RALYL: variants seen among roughly 807,000 people sequenced by gnomAD.
RALYL encodes RNA-binding Raly-like protein.
Under a neutral mutation model 35.1 loss-of-function variants are expected in RALYL, and 29 were observed. The observed-to-expected ratio is 0.83, with a 90% CI of 0.61 to 1.13. The LOEUF is 1.13. RALYL is among the 50% of genes most tolerant of loss of function. The probability of loss-of-function intolerance (pLI) is 0.00; values close to 1 mark genes in which losing one functional copy is unlikely to be tolerated. For synonymous variants in RALYL, 120 were observed against 127.6 expected (o/e 0.94, Z 0.40); for missense variants, 359 against 360.4 (o/e 1.00, Z 0.03).
At chr8:84,811,581 T>G (rs1265239448) in intron 4 of RALYL, among the ~76,000 whole-genome samples, 1 of 152,162 alleles carries the variant, frequency 6.6e-6, no homozygotes, top group East Asian at 1.9e-4. Context: ...GCCAGGGAAG[T>G]TTTCCTCGAT....
chr8:84,516,267 A>G (rs1484460517), intron 1 of RALYL, among the ~76,000 whole-genome samples: 1 of 152,102 alleles, frequency 6.6e-6, no homozygotes, highest in Non-Finnish European at 1.5e-5. Context: ...AGTTTATAAT[A>G]TATTTCATCC....
At position 84,316,602 on chromosome 8, in the gene RALYL, G is replaced by T. The variant is rs573085797; in HGVS notation, c.-24+132178G>T. 3.1e-4 allele frequency among the ~76,000 whole-genome samples: 47 copies of T among 152,198 alleles called. No homozygotes were observed. The South Asian group carries it at 9.7e-3, about 32-fold the overall frequency. The stretch of plus-strand genomic sequence containing the variant: ...TTTGCTTAAACGTTGTTCATCTGTA[G>T]TTGTTTTCCTGGCAGATCTATTTCT... On this transcript the variant is annotated intron_variant, in intron 1 of 8. Transcript: ENST00000521268.
chr8:84,319,155 G>T (rs1239977034), intron 1 of RALYL, among the ~76,000 whole-genome samples: 1 of 152,092 alleles, frequency 6.6e-6, no homozygotes, highest in African/African-American at 2.4e-5. Context: ...GAATGAACTT[G>T]GTGGGTGTCT....
chr8:84,263,312 A>G (rs1295106781), intron 1 of RALYL, among the ~76,000 whole-genome samples: 6 of 152,202 alleles, frequency 3.9e-5, no homozygotes, highest in African/African-American at 1.4e-4. Flanking sequence ...TCATACTTGA[A>G]GTATTTTGAC....
intron 2 of RALYL, among the ~76,000 whole-genome samples, chr8:84,653,854 A>G (rs1829358873): frequency 1.3e-5 from 2 of 151,696 alleles, no homozygotes; most frequent in African/African-American, 2.4e-5. Flanking sequence ...TAACTTTTTT[A>G]TCTTAATATT....
intron 1 of RALYL, among the ~76,000 whole-genome samples, chr8:84,324,263 A>G (rs1305887689): frequency 1.3e-5 from 2 of 152,048 alleles, no homozygotes; most frequent in Admixed American, 6.6e-5. Flanking sequence ...AACTGTTTTG[A>G]TTCCACATAC....
intron 4 of RALYL, among the ~76,000 whole-genome samples, chr8:84,844,906 G>A (rs1335433277): frequency 6.6e-6 from 1 of 152,012 alleles, no homozygotes; most frequent in Admixed American, 6.6e-5. Context: ...CTCATAGGTG[G>A]GAATTGAACG....
intron 3 of RALYL, among the ~76,000 whole-genome samples, chr8:84,782,640 T>C (rs1818451521): frequency 6.6e-6 from 1 of 152,232 alleles, no homozygotes; most frequent in Non-Finnish European, 1.5e-5. Context: ...ACTCACATTA[T>C]GATCTTTTAT....
intron 4 of RALYL, among the ~76,000 whole-genome samples, chr8:84,813,787 AG>A (rs1826462161): frequency 6.6e-6 from 1 of 151,680 alleles, no homozygotes. Context: ...TTTAAGTTCT[AG>A]GGTACATGTG....
chr8:84,667,722 C>T (rs747272355), intron 2 of RALYL, among the ~76,000 whole-genome samples: 2 of 151,988 alleles, frequency 1.3e-5, no homozygotes, highest in Admixed American at 6.6e-5. Context: ...GACTTGACCC[C>T]GGTCATCATT....
At chr8:84,406,417 C>A (rs1288907694) in intron 1 of RALYL, among the ~76,000 whole-genome samples, 3 of 151,688 alleles carry the variant, frequency 2.0e-5, no homozygotes, top group African/African-American at 7.3e-5. Flanking sequence ...CAATATGAAG[C>A]CATATGGGAG....
rs140572028 is a variant in RALYL, at chr8:84,888,852, C to T, written c.858+1076C>T. Among the ~76,000 whole-genome samples the T allele has an allele frequency of 6.2e-3, 947 of 152,198 alleles. 9 individuals are homozygous for T. The highest frequency in any genetic ancestry group is 0.021 in the African/African-American group (889 of 41,532). ...GCAACCTCCGCCCCCCTGGTTCAAG[C>T]GATTCTCCTGCCTCAGCCTCCCGAG... On this transcript the variant is annotated intron_variant, in intron 8 of 8. Transcript: ENST00000521268.
chr8:84,822,326 A>G (rs1468107980), intron 4 of RALYL, among the ~76,000 whole-genome samples: 1 of 152,174 alleles, frequency 6.6e-6, no homozygotes, highest in East Asian at 1.9e-4. Context: ...CCAAGTCACA[A>G]ATTAAGGGAT....
rs536898365 is a variant in RALYL, at chr8:84,768,984, C to T, written c.257-5595C>T. On this transcript the variant is annotated intron_variant, in intron 2 of 8. Coordinates refer to ENST00000521268, the MANE Select transcript of RALYL (RefSeq NM_173848.7). Reference sequence around the variant, plus strand: ...ACTGACAGTATATTATTTTTAAGAACAAGATAAATGCTACAATATTTTGTC... The same window carrying T: ...ACTGACAGTATATTATTTTTAAGAATAAGATAAATGCTACAATATTTTGTC... 2.0e-5 allele frequency among the ~76,000 whole-genome samples: 3 copies of T among 152,234 alleles called. No homozygotes were observed. The South Asian group carries it at 6.2e-4, about 32-fold the overall frequency.
intron 1 of RALYL, among the ~76,000 whole-genome samples, chr8:84,365,635 G>C (rs73296884): frequency 0.02 from 3,091 of 152,276 alleles, 99 homozygotes; most frequent in African/African-American, 0.07. Flanking sequence ...GAGTTACTTA[G>C]AATGGAAGAA....
At chr8:84,723,009 T>C (rs906932909) in intron 2 of RALYL, among the ~76,000 whole-genome samples, 1 of 151,962 alleles carries the variant, frequency 6.6e-6, no homozygotes, top group African/African-American at 2.4e-5. Context: ...CACTGAAGTA[T>C]ATGAAGGTAG....
At chr8:84,811,760 C>A (rs901898768) in intron 4 of RALYL, among the ~76,000 whole-genome samples, 1 of 151,998 alleles carries the variant, frequency 6.6e-6, no homozygotes, top group Non-Finnish European at 1.5e-5. Context: ...ATTTGAAGGC[C>A]TTGTCTTTGA....
At chr8:84,698,278 T>C (rs1360388241) in intron 2 of RALYL, among the ~76,000 whole-genome samples, 1 of 152,136 alleles carries the variant, frequency 6.6e-6, no homozygotes, top group Non-Finnish European at 1.5e-5. Flanking sequence ...TAATTGTTCA[T>C]TTTTATGATT....
chr8:84,309,693 A>C (rs1229998063), intron 1 of RALYL, among the ~76,000 whole-genome samples: 1 of 152,208 alleles, frequency 6.6e-6, no homozygotes, highest in African/African-American at 2.4e-5. Flanking sequence ...CCAAACATTA[A>C]TAAAGGTAAC....
Sources: gnomAD v4.1 joint callset for allele counts (sites outside exome capture counted in the v4.1 genomes callset) on GRCh38, gnomAD v4.1.1 for gene constraint, MANE v1.5 for transcripts, NCBI Gene and HGNC (gene_info 2026-07-23, HGNC 2026-07-21) for gene names.